Variants in STRN4 observed in about 807,000 individuals in gnomAD.
STRN4 encodes striatin 4.
Under a neutral mutation model 77.9 loss-of-function variants are expected in STRN4, and 27 were observed. The ratio of observed to expected loss-of-function variants is 0.35; its 90% CI spans 0.26 to 0.48. The LOEUF is 0.48. STRN4 is among the 20% of genes least tolerant of loss of function. The pLI, the probability that STRN4 is intolerant of heterozygous loss-of-function variation, is 0.99. For missense variants in STRN4, 798 were observed against 1,049.7 expected (o/e 0.76, Z 3.31); for synonymous variants, 466 against 443.1 (o/e 1.05, Z -0.65).
intron 14 of STRN4, 119 bp from the exon 15 acceptor site, chr19:46,722,459 G>A (rs1379175766): frequency 1.2e-5 from 13 of 1,096,050 alleles, no homozygotes; most frequent in South Asian, 1.4e-5. Context: ...GTCGAGGGGG[G>A]CTGGGCGAGG....
rs1568391419 is a variant in STRN4 at position 46,725,642 on chromosome 19, C to G, written c.1255G>C (p.Asp419His). Residue 419 changes from aspartate (D) to histidine (H), a missense_variant, in exon 10 of 18, where the codon GAC becomes CAC. Asp to His is a moderately conservative substitution (Grantham distance 81). Transcript: ENST00000263280. Reference sequence around the variant, plus strand: ...GTCTTCTTAAAAGCATCTTTGCTGTCAGACAGCTGGGGTTGGGGGGAGCTG... The same window carrying G: ...GTCTTCTTAAAAGCATCTTTGCTGTGAGACAGCTGGGGTTGGGGGGAGCTG... ...NDNDLSCDLS[D>H]SKDAFKKTWN... 6.2e-7 allele frequency: 1 copy of G among 1,613,606 alleles called. No homozygotes were observed. The highest frequency in any genetic ancestry group is 8.5e-7 in the Non-Finnish European group (1 of 1,179,704).
intron 7 of STRN4, 170 bp from the exon 8 acceptor site, chr19:46,728,177 C>A: frequency 1.4e-6 from 1 of 734,260 alleles, no homozygotes; most frequent in African/African-American, 1.7e-5. Context: ...TGGGCCCCTC[C>A]GTGGGGCAGT....
In STRN4 at chr19:46,723,353, C is replaced by A; in HGVS notation, c.1595-69G>T. On this transcript the variant is annotated intron_variant, in intron 12 of 17. Coordinates refer to ENST00000263280, the MANE Select transcript of STRN4 (RefSeq NM_013403.3). The surrounding 1 kb of genome is among the most constrained non-coding windows in gnomAD (Gnocchi z 5.5). ...AGCTCCTCCCTGGACAGCCCAGAGC[C>A]CCAGCTCTGCCAAGCCCCAGGCAGC... is the stretch of plus-strand genomic sequence containing the variant. The A allele has an allele frequency of 6.8e-7, 1 of 1,468,046 alleles. No individual in the cohort carries two copies. Among genetic ancestry groups the A allele is most frequent in the African/African-American group, 1.4e-5 (1 of 71,248 alleles). The allele number at this position is 1,468,046 out of a possible 1,614,324, so 90.9% of individuals were successfully genotyped here.
intron 1 of STRN4, 45 bp downstream of exon 1, chr19:46,746,104 G>C (rs755990039): frequency 2.1e-6 from 3 of 1,421,156 alleles, no homozygotes; most frequent in Non-Finnish European, 2.8e-6. Flanking sequence ...AGGCCGGGCC[G>C]GGCCGGGCCG....
At chr19:46,735,626 T>C (rs989050078) in intron 4 of STRN4, among the ~76,000 whole-genome samples, 1 of 152,152 alleles carries the variant, frequency 6.6e-6, no homozygotes, top group African/African-American at 2.4e-5. Flanking sequence ...TCTCCTATAT[T>C]TTCTAAGTTT....
intron 12 of STRN4, among the ~76,000 whole-genome samples, 175 bp downstream of exon 12, chr19:46,724,632 C>CGTCCCTTG (rs2054063367): frequency 1.3e-5 from 2 of 152,266 alleles, no homozygotes; most frequent in Non-Finnish European, 2.9e-5. Context: ...CCGGCTGGCT[C>CGTCCCTTG]GTCCCTTGGC....
chr19:46,725,079 T>C, intron 11 of STRN4, 151 bp from the exon 12 acceptor site: 1 of 1,271,148 alleles, frequency 7.9e-7, no homozygotes, highest in African/African-American at 1.5e-5. Flanking sequence ...ACAAGCTGCC[T>C]GTCCCCTGCC....
At chr19:46,720,381 AG>A in intron 17 of STRN4, 43 bp from the exon 18 acceptor site, 1 of 454,830 alleles carries the variant, frequency 2.2e-6, no homozygotes, top group East Asian at 3.6e-5. Context: ...CGCCGCCTCT[AG>A]GGCGCCTCTA....
chr19:46,721,021 G>A, intron 16 of STRN4: 1 of 391,212 alleles, frequency 2.6e-6, no homozygotes. Flanking sequence ...GGCGGCAGGG[G>A]CAGTGAACAA....
intron 12 of STRN4, among the ~76,000 whole-genome samples, chr19:46,724,470 C>T (rs115219234): frequency 0.027 from 4,112 of 152,296 alleles, 170 homozygotes; most frequent in African/African-American, 0.093. Context: ...ACACAGAGTA[C>T]ACGGCATGGC....
intron 1 of STRN4, 69 bp downstream of exon 1, chr19:46,746,080 G>C: frequency 7.5e-7 from 1 of 1,327,830 alleles, no homozygotes; most frequent in Non-Finnish European, 9.6e-7. Flanking sequence ...TGGCGGCGGC[G>C]GCGGCAGCGG....
chr19:46,746,158 G>T lies in STRN4; in HGVS notation c.273C>A (p.Ala91=), dbSNP rs1348705517. 1.3e-6 allele frequency: 2 copies of T among 1,524,178 alleles called. No homozygotes were observed. The highest frequency in any genetic ancestry group is 2.8e-5 in the East Asian group (1 of 36,054). The allele number at this position is 1,524,178 out of a possible 1,614,324, so 94.4% of individuals were successfully genotyped here. A position where few individuals can be genotyped will look rare whatever the true frequency, so the allele number is the denominator to read the frequency against. ...CCGGGACAGCGCTCACCTGTAACTC[G>T]GCGCGCTCGGCCTCCCAGCGGGCTT... is the stretch of plus-strand genomic sequence containing the variant. ...AEKARWEAER[A]ELQAQVAFLQ... Residue 91 remains alanine, a synonymous_variant, in exon 1 of 18, where the codon GCC becomes GCA. Transcript: ENST00000263280.
At position 46,719,573 on chromosome 19, in the gene STRN4, C is replaced by T. The variant is rs531952206; in HGVS notation, c.*832G>A. ...CAAGATGGGGACAGAGGGGTTGGGG[C>T]TTATAAACAGGAACCTGGAAGGGGA... On this transcript the variant is annotated 3_prime_UTR_variant, in exon 18 of 18. Transcript: ENST00000263280. The T allele has an allele frequency of 6.6e-6, 1 of 152,666 alleles. No individual in the cohort carries two copies. Among genetic ancestry groups the T allele is most frequent in the African/African-American group, 2.4e-5 (1 of 41,498 alleles). The allele number at this position is 152,666 out of a possible 1,614,324, so 9.5% of individuals were successfully genotyped here.
At chr19:46,725,291 T>C in intron 11 of STRN4, 41 bp downstream of exon 11, 3 of 1,613,612 alleles carry the variant, frequency 1.9e-6, no homozygotes, top group Non-Finnish European at 2.5e-6. Context: ...TCAGGCTGCA[T>C]TTAGGACGAG....
chr19:46,727,966 G>A lies in STRN4; in HGVS notation c.1081C>T (p.Arg361Trp), dbSNP rs778736505. ...VKLQGILADL[R>W]DVDGLPPKVT... is the part of the protein sequence containing the mutation. ...TTTGGGGGCAGCCCATCCACATCCC[G>A]CAGGTCAGCCAGAATGCCTTGGAGT... The change falls in exon 8 of 18, where the codon CGG becomes TGG. Residue 361 changes from arginine (R) to tryptophan (W), a missense_variant. Transcript: ENST00000263280. 3 of 1,613,864 alleles carry A rather than the reference G, an allele frequency of 1.9e-6. No homozygotes were observed. Among genetic ancestry groups the A allele is most frequent in the East Asian group, 2.2e-5 (1 of 44,886 alleles).
chr19:46,722,096 A>AG lies in STRN4; in HGVS notation c.2006-25dup, dbSNP rs769243075. On this transcript the variant is annotated intron_variant, in intron 15 of 17. Coordinates refer to ENST00000263280, the MANE Select transcript of STRN4 (RefSeq NM_013403.3). Reference sequence around the variant, plus strand: ...ACCTGAGGCGAGAAGGGCGGGTGGCAGGTTCCCCTCCCACTCTGGGCCTCG... The same window carrying AG: ...ACCTGAGGCGAGAAGGGCGGGTGGCAGGGTTCCCCTCCCACTCTGGGCCTCG... 2.5e-6 allele frequency: 4 copies of AG among 1,611,600 alleles called. No homozygotes were observed. The African/African-American group carries it at 5.3e-5, about 22-fold the overall frequency.
At chr19:46,745,422 G>A (rs537631496) in intron 1 of STRN4, among the ~76,000 whole-genome samples, 5 of 152,216 alleles carry the variant, frequency 3.3e-5, no homozygotes, top group Non-Finnish European at 5.9e-5. Context: ...CAGAGGGGAA[G>A]GCACACACCT....
At chr19:46,742,837 A>C (rs1360533674) in intron 1 of STRN4, among the ~76,000 whole-genome samples, 1 of 152,268 alleles carries the variant, frequency 6.6e-6, no homozygotes, top group Non-Finnish European at 1.5e-5. Context: ...CTGGGATTAC[A>C]GGCGCGAGCC....
chr19:46,737,722 C>T (rs2054396605), intron 3 of STRN4, among the ~76,000 whole-genome samples: 2 of 152,142 alleles, frequency 1.3e-5, no homozygotes, highest in South Asian at 2.1e-4. Context: ...ACCATGTCTC[C>T]CGTGCTCTCT....
Sources: allele counts gnomAD v4.1 joint callset (sites outside exome capture counted in the v4.1 genomes callset), GRCh38; gene constraint gnomAD v4.1.1; non-coding constraint Gnocchi (gnomAD v3.1); transcripts MANE v1.5; gene names NCBI Gene and HGNC (gene_info 2026-07-23, HGNC 2026-07-21).